AFF3: variants seen among roughly 807,000 people sequenced by gnomAD.
AFF3 encodes ALF transcription elongation factor 3.
Under a neutral mutation model 129.7 loss-of-function variants are expected in AFF3, and 32 were observed. The ratio of observed to expected loss-of-function variants is 0.25; its 90% CI spans 0.19 to 0.33. The LOEUF is 0.33. Among genes scored for constraint, AFF3 ranks in the 10% least tolerant of loss-of-function variants. The pLI is 1.00. For missense variants in AFF3, 1,373 were observed against 1,592.0 expected (o/e 0.86, Z 2.34); for synonymous variants, 644 against 635.4 (o/e 1.01, Z -0.20).
At chr2:100,036,134 TAAAAA>T (rs59136725) in intron 4 of AFF3, among the ~76,000 whole-genome samples, 31 of 64,328 alleles carry the variant, frequency 4.8e-4, no homozygotes, top group South Asian at 1.2e-3. Context: ...AATACAGTGC[TAAAAA>T]AAAAAAAAAA....
chr2:100,035,790 T>C (rs6738012), intron 4 of AFF3, among the ~76,000 whole-genome samples: 20,900 of 152,164 alleles, frequency 0.14, 1,683 homozygotes, highest in South Asian at 0.2. Flanking sequence ...GGGTTTAAGT[T>C]TCCAAATCTT....
chr2:99,553,808 G>A (rs1171602671), intron 24 of AFF3, among the ~76,000 whole-genome samples: 1 of 151,534 alleles, frequency 6.6e-6, no homozygotes, highest in East Asian at 1.9e-4. Flanking sequence ...CAGCTACTCG[G>A]GAGGCTGAGG....
In AFF3 at chr2:99,957,307, C is replaced by T. The variant is rs976548545; in HGVS notation, c.873+49325G>A. Among the ~76,000 whole-genome samples, 4 of 152,204 alleles carry T rather than the reference C, an allele frequency of 2.6e-5. No homozygotes were observed. In the East Asian group the frequency reaches 7.7e-4, roughly 29 times the overall value. On this transcript the variant is annotated intron_variant, in intron 7 of 24. Coordinates refer to ENST00000672756, the MANE Select transcript of AFF3 (RefSeq NM_001386135.1). ...TGTTATTGTTAAACAATTTATCACTCTTACTGGAAAGGAAGTAATGCTTAA... is the reference window on the plus strand; with the variant it reads ...TGTTATTGTTAAACAATTTATCACTTTTACTGGAAAGGAAGTAATGCTTAA...
Position 99,606,965 on chromosome 2 carries a change from G to C in AFF3, c.1185-5344C>G, listed in dbSNP as rs958041013. The stretch of plus-strand genomic sequence containing the variant: ...GAGTACTTCAGCAACCTTTAAGACA[G>C]ACTTCTTCCCTTCTGAGAATATTTC... On this transcript the variant is annotated intron_variant, in intron 13 of 24. Coordinates refer to ENST00000672756, the MANE Select transcript of AFF3 (RefSeq NM_001386135.1). 2.1e-5 allele frequency among the ~76,000 whole-genome samples: 3 copies of C among 144,352 alleles called. No individual in the cohort carries two copies. The East Asian group carries it at 6.1e-4, about 29-fold the overall frequency. The allele number at this position is 144,352 out of a possible 152,430, so 94.7% of individuals were successfully genotyped here.
intron 13 of AFF3, among the ~76,000 whole-genome samples, chr2:99,637,047 T>C (rs2105453742): frequency 6.6e-6 from 1 of 152,166 alleles, no homozygotes; most frequent in East Asian, 1.9e-4. Flanking sequence ...GGTGGGACTG[T>C]TCCAGGGGTG....
intron 7 of AFF3, among the ~76,000 whole-genome samples, chr2:99,953,225 T>C (rs986378484): frequency 4.6e-5 from 7 of 152,144 alleles, no homozygotes; most frequent in African/African-American, 1.4e-4. Context: ...GGGACGGACA[T>C]TCAGTGCCAC....
At chr2:100,070,311 AC>A (rs1688068802) in intron 4 of AFF3, among the ~76,000 whole-genome samples, 1 of 151,072 alleles carries the variant, frequency 6.6e-6, no homozygotes, top group African/African-American at 2.4e-5. Flanking sequence ...CAAACATTTA[AC>A]CTTTTGCAGA....
chr2:99,762,492 T>G (rs1682697342), intron 8 of AFF3, among the ~76,000 whole-genome samples: 1 of 152,174 alleles, frequency 6.6e-6, no homozygotes, highest in Non-Finnish European at 1.5e-5. Context: ...GTTACCACTA[T>G]CAGAATATTT....
At position 99,587,240 on chromosome 2, in the gene AFF3, G is replaced by A. The variant is rs1167403386; in HGVS notation, c.2505C>T (p.Ser835=). The A allele has an allele frequency of 6.2e-7, 1 of 1,613,946 alleles. No individual in the cohort carries two copies. The highest frequency in any genetic ancestry group is 8.5e-7 in the Non-Finnish European group (1 of 1,180,002). ...TTGAAGAGCTGTCTTTCTCTCCCTG[G>A]GACTTCTTGATCTCCCTGTAGTCGT... ...NEDDYREIKK[S]QGEKDSSSRL... The change falls in exon 16 of 25, where the codon TCC becomes TCT. Residue 835 remains serine, a synonymous_variant. Transcript: ENST00000672756.
At chr2:100,026,148 C>T (rs1821831) in intron 4 of AFF3, among the ~76,000 whole-genome samples, 35,137 of 152,036 alleles carry the variant, frequency 0.23, 4,877 homozygotes, top group African/African-American at 0.39. Context: ...ACAGTCTATA[C>T]ATCTGACAAA....
intron 4 of AFF3, among the ~76,000 whole-genome samples, chr2:100,044,198 G>A (rs1685655101): frequency 6.6e-6 from 1 of 152,188 alleles, no homozygotes; most frequent in Admixed American, 6.5e-5. Context: ...TACACCAGGG[G>A]TGCCTGAAAG....
intron 4 of AFF3, among the ~76,000 whole-genome samples, chr2:100,022,970 C>T (rs1251044758): frequency 6.6e-6 from 1 of 152,180 alleles, no homozygotes; most frequent in Non-Finnish European, 1.5e-5. Flanking sequence ...TGATCTCTGC[C>T]AACTCAACAT....
intron 4 of AFF3, among the ~76,000 whole-genome samples, chr2:100,015,058 C>G (rs559528816): frequency 2.4e-4 from 36 of 150,724 alleles, no homozygotes; most frequent in Admixed American, 6.6e-4. Flanking sequence ...CCTGCCTTGG[C>G]CCCCCAAAGT....
At chr2:100,081,765 A>G (rs1488868493) in intron 4 of AFF3, among the ~76,000 whole-genome samples, 1 of 152,220 alleles carries the variant, frequency 6.6e-6, no homozygotes, top group Non-Finnish European at 1.5e-5. Context: ...TTAGCTGTGA[A>G]AATTCATTTA....
At chr2:100,031,237 TG>T (rs1390983794) in intron 4 of AFF3, among the ~76,000 whole-genome samples, 1 of 152,172 alleles carries the variant, frequency 6.6e-6, no homozygotes, top group Non-Finnish European at 1.5e-5. Flanking sequence ...ACATGCATAC[TG>T]GAATTAAAGA....
intron 7 of AFF3, among the ~76,000 whole-genome samples, chr2:99,977,767 C>G (rs556157190): frequency 6.7e-6 from 1 of 149,080 alleles, no homozygotes; most frequent in Non-Finnish European, 1.5e-5. Context: ...TTCAACTCCC[C>G]CTTCATCTCA....
At chr2:99,948,169 A>G (rs751443962) in intron 7 of AFF3, among the ~76,000 whole-genome samples, 23 of 152,168 alleles carry the variant, frequency 1.5e-4, no homozygotes, top group Non-Finnish European at 3.1e-4. Context: ...GCTGCTGTAC[A>G]GGTCACCATC....
intron 7 of AFF3, among the ~76,000 whole-genome samples, chr2:99,939,107 C>T (rs73964368): frequency 0.029 from 4,344 of 152,262 alleles, 126 homozygotes; most frequent in African/African-American, 0.071. Flanking sequence ...TAATCTAATA[C>T]AAATGTTATT....
intron 8 of AFF3, among the ~76,000 whole-genome samples, chr2:99,803,663 A>G (rs568786895): frequency 1.3e-5 from 2 of 152,312 alleles, no homozygotes; most frequent in East Asian, 3.9e-4. Flanking sequence ...GAGGCATCAC[A>G]CGACATGACT....
Sources: gnomAD v4.1 joint callset for allele counts (sites outside exome capture counted in the v4.1 genomes callset) on GRCh38, gnomAD v4.1.1 for gene constraint, MANE v1.5 for transcripts, NCBI Gene and HGNC (gene_info 2026-07-23, HGNC 2026-07-21) for gene names.